Variants in ANKRD27 observed in about 807,000 individuals in gnomAD.
The protein encoded by ANKRD27 is ankyrin repeat domain 27.
Under a neutral mutation model 129.7 loss-of-function variants are expected in ANKRD27, and 112 were observed. The ratio of observed to expected loss-of-function variants is 0.86; its 90% CI spans 0.74 to 1.01. ANKRD27 has a LOEUF of 1.01. Among genes scored for constraint, ANKRD27 ranks in the 50% least tolerant of loss-of-function variants. The probability of loss-of-function intolerance (pLI) is 0.00; values close to 1 mark genes in which losing one functional copy is unlikely to be tolerated. For synonymous variants in ANKRD27, 516 were observed against 511.2 expected (o/e 1.01, Z -0.13); for missense variants, 1,258 against 1,300.5 (o/e 0.97, Z 0.50).
intron 1 of ANKRD27, among the ~76,000 whole-genome samples, chr19:32,669,881 C>G (rs1967833043): frequency 6.6e-6 from 1 of 151,500 alleles, no homozygotes; most frequent in Admixed American, 6.6e-5. Flanking sequence ...CCTGTAGTCC[C>G]AGCTACTTGG....
In ANKRD27 at chr19:32,665,439, G is replaced by A. The variant is rs547032775; in HGVS notation, c.-30-6394C>T. On this transcript the variant is annotated intron_variant, in intron 1 of 28. Transcript: ENST00000306065. ...CAAGTAGCTGGGATTACAGGCACCC[G>A]CCACCACACCAGGCTAATTTTTGTT... Among the ~76,000 whole-genome samples the A allele has an allele frequency of 4.1e-5, 6 of 146,094 alleles. No individual in the cohort carries two copies. The South Asian group carries it at 8.7e-4, about 21-fold the overall frequency.
intron 28 of ANKRD27, among the ~76,000 whole-genome samples, chr19:32,598,849 G>C (rs749727305): frequency 1.4e-4 from 22 of 152,158 alleles, no homozygotes; most frequent in Admixed American, 3.3e-4. Context: ...AAACAATTTA[G>C]AACTTTTGTG....
intron 18 of ANKRD27, among the ~76,000 whole-genome samples, chr19:32,620,769 C>T (rs1046497000): frequency 6.6e-6 from 1 of 151,322 alleles, no homozygotes; most frequent in Non-Finnish European, 1.5e-5. Flanking sequence ...TGCCTGTAGT[C>T]CCAGCTACTC....
chr19:32,629,895 A>G (rs1240787609), intron 13 of ANKRD27, among the ~76,000 whole-genome samples: 1 of 145,840 alleles, frequency 6.9e-6, no homozygotes, highest in Non-Finnish European at 1.5e-5. Context: ...GTGACAAATA[A>G]CAGAATTTAT....
intron 12 of ANKRD27, 63 bp downstream of exon 12, chr19:32,639,293 A>C (rs755896959): frequency 6.2e-7 from 1 of 1,606,052 alleles, no homozygotes; most frequent in African/African-American, 1.3e-5. Context: ...TACCAACCCC[A>C]GCACCCTATC....
intron 1 of ANKRD27, among the ~76,000 whole-genome samples, chr19:32,670,730 G>A (rs259281): frequency 0.77 from 117,284 of 151,694 alleles, 45,467 homozygotes; most frequent in African/African-American, 0.81. Flanking sequence ...ACAGTGGCTA[G>A]CACCTGTAAT....
intron 25 of ANKRD27, among the ~76,000 whole-genome samples, chr19:32,603,491 C>T (rs1971683097): frequency 6.6e-6 from 1 of 152,218 alleles, no homozygotes; most frequent in Admixed American, 6.5e-5. Flanking sequence ...GCATCCACAG[C>T]ACTGGAGAAG....
intron 2 of ANKRD27, among the ~76,000 whole-genome samples, chr19:32,657,074 C>T (rs1425692729): frequency 6.6e-6 from 1 of 151,974 alleles, no homozygotes; most frequent in African/African-American, 2.4e-5. Context: ...TCAAGAAACC[C>T]AGCTTCTCTT....
At position 32,626,740 on chromosome 19, in the gene ANKRD27, G is replaced by T; in HGVS notation, c.1508C>A (p.Ala503Asp). The T allele has an allele frequency of 1.2e-6, 2 of 1,611,678 alleles. No homozygotes were observed. The highest frequency in any genetic ancestry group is 1.7e-6 in the Non-Finnish European group (2 of 1,179,000). Residue 503 changes from alanine (A) to aspartate (D), a missense_variant, in exon 16 of 29, where the codon GCC (alanine) becomes GAC (aspartate). Coordinates refer to ENST00000306065, the MANE Select transcript of ANKRD27 (RefSeq NM_032139.3). ...DYHGATPLHL[A>D]CQKGYQSVTL... ...CACGCTCTGGTAGCCCTTCTGACAG[G>T]CCAGGTGGAGCGGAGTGGCTCCATG...
chr19:32,644,043 T>G (rs1329850896), intron 5 of ANKRD27, among the ~76,000 whole-genome samples: 1 of 151,734 alleles, frequency 6.6e-6, no homozygotes, highest in Non-Finnish European at 1.5e-5. Flanking sequence ...CCTGGCTAAT[T>G]TTTGTATTTT....
chr19:32,642,214 A>ACGGCGCC, intron 9 of ANKRD27, 69 bp from the exon 10 acceptor site: 9 of 1,368,528 alleles, frequency 6.6e-6, no homozygotes, highest in Admixed American at 2.6e-5. Flanking sequence ...GGATCTAAGA[A>ACGGCGCC]CACATCTCAG....
chr19:32,611,142 C>T (rs1971829810), intron 22 of ANKRD27, among the ~76,000 whole-genome samples: 1 of 152,098 alleles, frequency 6.6e-6, no homozygotes, highest in African/African-American at 2.4e-5. Flanking sequence ...TACAGGGAAC[C>T]TAAGACTTCA....
intron 1 of ANKRD27, among the ~76,000 whole-genome samples, chr19:32,665,428 TACA>T (rs1967732805): frequency 6.6e-6 from 1 of 150,902 alleles, no homozygotes; most frequent in African/African-American, 2.4e-5. Context: ...TAGCTGGGAT[TACA>T]GGCACCCGCC....
intron 1 of ANKRD27, among the ~76,000 whole-genome samples, chr19:32,659,758 G>A (rs993827251): frequency 6.6e-6 from 1 of 151,982 alleles, no homozygotes; most frequent in Middle Eastern, 3.2e-3. Context: ...AAGAAATAAA[G>A]TGGAAGCCAG....
At chr19:32,641,300 G>A (rs550528807) in intron 10 of ANKRD27, among the ~76,000 whole-genome samples, 1 of 152,066 alleles carries the variant, frequency 6.6e-6, no homozygotes, top group African/African-American at 2.4e-5. Flanking sequence ...GGTGGCTTCA[G>A]TGATAAAAAA....
At chr19:32,663,194 T>C (rs999903310) in intron 1 of ANKRD27, among the ~76,000 whole-genome samples, 1 of 152,170 alleles carries the variant, frequency 6.6e-6, no homozygotes, top group Non-Finnish European at 1.5e-5. Context: ...GCCCACATGA[T>C]GAAAGGCCAT....
intron 2 of ANKRD27, among the ~76,000 whole-genome samples, chr19:32,654,320 G>C (rs1967478960): frequency 6.6e-6 from 1 of 152,148 alleles, no homozygotes; most frequent in Non-Finnish European, 1.5e-5. Flanking sequence ...GCAACATAGT[G>C]AGACCCCATC....
At chr19:32,640,048 G>A (rs1305414285) in intron 11 of ANKRD27, among the ~76,000 whole-genome samples, 4 of 152,002 alleles carry the variant, frequency 2.6e-5, no homozygotes, top group East Asian at 1.9e-4. Context: ...TGCAAGCTCC[G>A]CCTCCTGGGT....
At position 32,658,899 on chromosome 19, in the gene ANKRD27, G is replaced by C; in HGVS notation, c.102+15C>G. 2 of 1,607,620 alleles carry C rather than the reference G, an allele frequency of 1.2e-6. No individual in the cohort carries two copies. The highest frequency in any genetic ancestry group is 2.2e-5 in the East Asian group (1 of 44,838). The stretch of plus-strand genomic sequence containing the variant: ...ATTCATGCCTCAGGACAACCCCGAG[G>C]CTCAGTGCACTTACAATGCCATGGA... On this transcript the variant is annotated intron_variant, in intron 2 of 28. Coordinates refer to ENST00000306065, the MANE Select transcript of ANKRD27 (RefSeq NM_032139.3).
Sources: gnomAD v4.1 joint callset for allele counts (sites outside exome capture counted in the v4.1 genomes callset) on GRCh38, gnomAD v4.1.1 for gene constraint, MANE v1.5 for transcripts, NCBI Gene and HGNC (gene_info 2026-07-23, HGNC 2026-07-21) for gene names.